The following GGA1 variants were observed in gnomAD, a reference collection of about 807,000 sequenced individuals.
GGA1 encodes golgi associated, gamma adaptin ear containing, ARF binding protein 1.
Under a neutral mutation model 76.9 loss-of-function variants are expected in GGA1, and 18 were observed. That is an observed-to-expected ratio of 0.23 (90% confidence interval 0.16 to 0.35). The LOEUF (loss-of-function observed/expected upper bound fraction) is 0.35, where lower values mean the gene tolerates loss of function less well. Ranked by LOEUF, GGA1 falls within the 10% of genes least tolerant of loss-of-function variation. The pLI, the probability that GGA1 is intolerant of heterozygous loss-of-function variation, is 1.00. For missense variants in GGA1, 755 were observed against 859.0 expected, an observed-to-expected ratio of 0.88 and a Z score of 1.51; for synonymous variants, 342 against 354.7, an observed-to-expected ratio of 0.96 and a Z score of 0.40.
At position 37,632,989 on chromosome 22, in the gene GGA1, AG is replaced by A. The variant is rs1394753219; in HGVS notation, c.*279del. On this transcript the variant is annotated 3_prime_UTR_variant, in exon 17 of 17. Transcript: ENST00000343632. This position sits in a 1 kb window ranked among gnomAD's most constrained non-coding sequence, Gnocchi z 5.1. ...GAGGGAGGGGCTGTGTAGCCTTGGA[AG>A]AACTTGGGTCATGGGGAGGAAGCAC... 1.3e-5 allele frequency: 6 copies of A among 454,636 alleles called. No individual in the cohort carries two copies. Among genetic ancestry groups the A allele is most frequent in the Non-Finnish European group, 2.4e-5 (6 of 248,010 alleles). 28.2% of individuals were successfully genotyped at this position (454,636 alleles called of 1,614,324 possible).
chr22:37,625,677 G>GCAT lies in GGA1; in HGVS notation c.941-120_941-119insCAT, dbSNP rs1930683549. The GCAT allele has an allele frequency of 5.8e-6, 4 of 692,386 alleles. No homozygotes were observed. In the Admixed American group the frequency reaches 1.1e-4, roughly 19 times the overall value. 42.9% of individuals were successfully genotyped at this position (692,386 alleles called of 1,614,324 possible). On this transcript the variant is annotated intron_variant, in intron 10 of 16. Coordinates refer to ENST00000343632, the MANE Select transcript of GGA1 (RefSeq NM_013365.5). This position sits in a 1 kb window ranked among gnomAD's most constrained non-coding sequence, Gnocchi z 4.1. ...GCAGGGGCTGGTGTGGCCAAGGAAG[G>GCAT]GGAGGCAGGAGACCAGTGGTAAAGC...
At chr22:37,613,223 A>G (rs1042590219) in intron 1 of GGA1, 1 of 936,170 alleles carries the variant, frequency 1.1e-6, no homozygotes, top group Non-Finnish European at 1.3e-6. Flanking sequence ...GAGGCCCCTC[A>G]TTCTCTGCCT....
intron 3 of GGA1, chr22:37,617,241 A>G (rs1349388998): frequency 1.5e-6 from 2 of 1,371,188 alleles, no homozygotes; most frequent in Non-Finnish European, 1.9e-6. Flanking sequence ...CATCTGGTCC[A>G]GGGGTTCTTT....
chr22:37,632,998 G>T lies in GGA1; in HGVS notation c.*287G>T, dbSNP rs1932082663. 2.4e-6 allele frequency: 1 copy of T among 421,640 alleles called. No individual in the cohort carries two copies. The highest frequency in any genetic ancestry group is 2.0e-5 in the African/African-American group (1 of 50,318). The allele number at this position is 421,640 out of a possible 1,614,324, so 26.1% of individuals were successfully genotyped here. The stretch of plus-strand genomic sequence containing the variant: ...GCTGTGTAGCCTTGGAAGAACTTGG[G>T]TCATGGGGAGGAAGCACAGCTGTTG... On this transcript the variant is annotated 3_prime_UTR_variant, in exon 17 of 17. Transcript: ENST00000343632. This position sits in a 1 kb window ranked among gnomAD's most constrained non-coding sequence, Gnocchi z 5.1.
At chr22:37,631,196 C>T in intron 14 of GGA1, 97 bp downstream of exon 14, 1 of 1,012,266 alleles carries the variant, frequency 9.9e-7, no homozygotes, top group East Asian at 2.8e-5. Flanking sequence ...CAGGGCTCCC[C>T]TGGCTCTGCC....
At chr22:37,615,802 C>G (rs1390289909) in intron 2 of GGA1, among the ~76,000 whole-genome samples, 1 of 152,098 alleles carries the variant, frequency 6.6e-6, no homozygotes, top group African/African-American at 2.4e-5. Flanking sequence ...GGGCTGCCCC[C>G]AGACTCGACT....
At chr22:37,618,222 G>A in intron 3 of GGA1, 1 of 497,710 alleles carries the variant, frequency 2.0e-6, no homozygotes. Flanking sequence ...ATTGCTACAG[G>A]TTGGGCATTG....
Position 37,623,432 on chromosome 22 carries a change from G to A in GGA1, c.715G>A (p.Gly239Ser), listed in dbSNP as rs765255006. The A allele has an allele frequency of 1.4e-5, 22 of 1,614,062 alleles. No homozygotes were observed. Among genetic ancestry groups the A allele is most frequent in the Middle Eastern group, 1.6e-4 (1 of 6,062 alleles). ...TEMVMSHSQGGAAAGSSEDLM... is the reference protein window; with the variant it reads ...TEMVMSHSQGSAAAGSSEDLM... ...GATGGTGATGAGCCACAGCCAGGGC[G>A]GCGCAGCAGCTGGCAGCAGCGAGGA... The change falls in exon 8 of 17, where the codon GGC becomes AGC. Residue 239 changes from glycine to serine, a missense_variant. Physicochemically the swap from Gly to Ser is moderately conservative, Grantham distance 56 (BLOSUM62 0). Coordinates refer to ENST00000343632, the MANE Select transcript of GGA1 (RefSeq NM_013365.5). This position sits in a 1 kb window ranked among gnomAD's most constrained non-coding sequence, Gnocchi z 4.6.
Position 37,623,916 on chromosome 22 carries a change from G to C in GGA1, c.832+283G>C. On this transcript the variant is annotated intron_variant, in intron 9 of 16. Transcript: ENST00000343632. This position sits in a 1 kb window ranked among gnomAD's most constrained non-coding sequence, Gnocchi z 4.6. ...CCCCTTTTCACAACTGGGGCTAAGG[G>C]AGGAAAATGACTTGCCCAGATCACA... is the stretch of plus-strand genomic sequence containing the variant. 2.4e-6 allele frequency: 1 copy of C among 412,532 alleles called. No homozygotes were observed. Among genetic ancestry groups the C allele is most frequent in the South Asian group, 2.3e-5 (1 of 43,056 alleles). The allele number at this position is 412,532 out of a possible 1,614,324, so 25.6% of individuals were successfully genotyped here. A position where few individuals can be genotyped will look rare whatever the true frequency, so the allele number is the denominator to read the frequency against.
At chr22:37,609,381 C>T (rs955488224) in intron 1 of GGA1, 3 of 1,052,902 alleles carry the variant, frequency 2.8e-6, no homozygotes, top group Middle Eastern at 3.2e-4. Context: ...TTGCTCATTA[C>T]CCCGTCCTGG....
intron 5 of GGA1, 75 bp from the exon 6 acceptor site, chr22:37,620,738 G>C: frequency 1.1e-6 from 1 of 904,688 alleles, no homozygotes; most frequent in Non-Finnish European, 1.9e-6. Flanking sequence ...ACCCTTGCCT[G>C]CCCCCATCCC....
rs769402630 is a variant in GGA1, at chr22:37,618,489, C to A, written c.246C>A (p.His82Gln). 3 of 1,613,550 alleles carry A rather than the reference C, an allele frequency of 1.9e-6. No individual in the cohort carries two copies. The highest frequency in any genetic ancestry group is 2.5e-6 in the Non-Finnish European group (3 of 1,179,506). The change falls in exon 4 of 17, where the codon CAC becomes CAA. Residue 82 changes from histidine (H) to glutamine (Q), a missense_variant. His to Gln is a conservative substitution (Grantham distance 24, BLOSUM62 0). Transcript: ENST00000343632. ...TCMKSCGKRF[H>Q]DEVGKFRFLN... Reference sequence around the variant, plus strand: ...TGAAGAGCTGCGGCAAGCGGTTCCACGACGAAGTGGGCAAGTTCCGCTTTC... The same window carrying A: ...TGAAGAGCTGCGGCAAGCGGTTCCAAGACGAAGTGGGCAAGTTCCGCTTTC...
rs748184347 is a variant in GGA1 at position 37,630,987 on chromosome 22, C to T, written c.1416C>T (p.Ala472=). The change falls in exon 14 of 17, where the codon GCC becomes GCT. Residue 472 remains alanine (A), a synonymous_variant. Coordinates refer to ENST00000343632, the MANE Select transcript of GGA1 (RefSeq NM_013365.5). ...GCTGCAGCTCCCCCAGCTCCAGCGC[C>T]ACCAGCCTTCTCCACACCGTGTCCC... ...SSSCSSPSSS[A]TSLLHTVSPE... 2.5e-6 allele frequency: 4 copies of T among 1,613,512 alleles called. No individual in the cohort carries two copies. In the East Asian group the frequency reaches 8.9e-5, roughly 36 times the overall value.
chr22:37,616,780 C>T (rs528674260), intron 2 of GGA1, 142 bp from the exon 3 acceptor site: 31 of 983,466 alleles, frequency 3.2e-5, no homozygotes, highest in Middle Eastern at 3.3e-4. Flanking sequence ...GAAGTCTCGG[C>T]GGCGGGCTGG....
At chr22:37,609,357 G>C (rs921336214) in intron 1 of GGA1, 1 of 1,096,444 alleles carries the variant, frequency 9.1e-7, no homozygotes, top group African/African-American at 1.7e-5. Flanking sequence ...CCTGGAGCCC[G>C]CAAGTAGTCA....
At chr22:37,629,253 C>A (rs776419205) in intron 11 of GGA1, among the ~76,000 whole-genome samples, 4 of 152,180 alleles carry the variant, frequency 2.6e-5, no homozygotes, top group Non-Finnish European at 4.4e-5. Context: ...AGAGGGGAAG[C>A]GTGTGTGGGG....
intron 1 of GGA1, among the ~76,000 whole-genome samples, chr22:37,611,196 C>CA (rs1927501843): frequency 6.6e-6 from 1 of 152,120 alleles, no homozygotes; most frequent in Non-Finnish European, 1.5e-5. Context: ...CTGGTATCCC[C>CA]AGGAGGTCAA....
intron 1 of GGA1, among the ~76,000 whole-genome samples, chr22:37,613,486 C>T (rs1298826236): frequency 2.6e-5 from 4 of 152,090 alleles, no homozygotes; most frequent in Non-Finnish European, 4.4e-5. Flanking sequence ...CTCCAAGCTC[C>T]GCCTCCCGGG....
intron 1 of GGA1, 58 bp from the exon 2 acceptor site, chr22:37,614,124 GGGTCAGGA>G: frequency 9.2e-7 from 1 of 1,081,174 alleles, no homozygotes; most frequent in Non-Finnish European, 1.4e-6. Flanking sequence ...ACCTTTGCCA[GGGTCAGGA>G]GTGGAAGAGC....
Sources: gnomAD v4.1 joint callset for allele counts (sites outside exome capture counted in the v4.1 genomes callset) on GRCh38, gnomAD v4.1.1 for gene constraint, Gnocchi (gnomAD v3.1) non-coding constraint, MANE v1.5 for transcripts, NCBI Gene and HGNC (gene_info 2026-07-23, HGNC 2026-07-21) for gene names.